The following XRN2 variants were observed in gnomAD, a reference collection of about 807,000 sequenced individuals.
The protein encoded by XRN2 is 5'-3' exoribonuclease 2, also known as DHM1-like protein.
Under a neutral mutation model 138.5 loss-of-function variants are expected in XRN2, and 44 were observed. The observed-to-expected ratio is 0.32, with a 90% CI of 0.25 to 0.41. The LOEUF (loss-of-function observed/expected upper bound fraction) is 0.41. XRN2 is among the 10% of genes least tolerant of loss of function. XRN2 has a pLI of 1.00. For synonymous variants in XRN2, 354 were observed against 369.4 expected, an observed-to-expected ratio of 0.96 and a Z score of 0.48; for missense variants, 937 against 1,169.3, an observed-to-expected ratio of 0.80 and a Z score of 2.90.
At chr20:21,331,904 T>C in intron 8 of XRN2, 86 bp downstream of exon 8, 17 of 1,465,276 alleles carry the variant, frequency 1.2e-5, no homozygotes, top group Non-Finnish European at 1.4e-5. Flanking sequence ...TTATTCATGG[T>C]TACCTGGAAG....
intron 1 of XRN2, among the ~76,000 whole-genome samples, chr20:21,308,375 T>C (rs2037832518): frequency 6.6e-6 from 1 of 151,866 alleles, no homozygotes; most frequent in African/African-American, 2.4e-5. Context: ...ACATTAGGAG[T>C]GAAATGGTTG....
rs1482690707 is a variant in XRN2 at position 21,305,547 on chromosome 20, C to T, written c.75+2074C>T. 1.6e-4 allele frequency among the ~76,000 whole-genome samples: 7 copies of T among 44,642 alleles called. 3 individuals carry two copies. Among genetic ancestry groups the T allele is most frequent in the Admixed American group, 6.2e-4 (2 of 3,216 alleles). The allele number at this position is 44,642 out of a possible 152,430, so 29.3% of individuals were successfully genotyped here. A position where few individuals can be genotyped will look rare whatever the true frequency, so the allele number is the denominator to read the frequency against. On this transcript the variant is annotated intron_variant, in intron 1 of 29. Transcript: ENST00000377191. ...GAGACTACAGGCATGAGCCACCATA[C>T]GTGGCCTTTTTTTTTTTTTTTTTTT...
chr20:21,376,509 G>A (rs1183485562), intron 27 of XRN2, among the ~76,000 whole-genome samples: 1 of 151,958 alleles, frequency 6.6e-6, no homozygotes, highest in Non-Finnish European at 1.5e-5. Context: ...ATTTAATTTG[G>A]GCACTAGTCT....
chr20:21,337,082 G>T (rs945818007), intron 13 of XRN2, among the ~76,000 whole-genome samples: 1 of 152,168 alleles, frequency 6.6e-6, no homozygotes, highest in Non-Finnish European at 1.5e-5. Flanking sequence ...GACCCAACAG[G>T]TCATCATAGG....
chr20:21,368,572 ATT>A lies in XRN2; in HGVS notation c.2567_2568del (p.Ile856ThrfsTer26). On this transcript the variant is annotated frameshift_variant, in exon 27 of 30. Transcript: ENST00000377191. LOFTEE classifies it high-confidence loss of function. Reference sequence around the variant, plus strand: ...GCCGCTTTTGAGAGGACAAGCCCAGATTCCAAAACTTATGTCAAGTAAGCTTT... The same window carrying A: ...GCCGCTTTTGAGAGGACAAGCCCAGACCAAAACTTATGTCAAGTAAGCTTT... ...YRPLLRGQAQ[I>X]PKLMSNMRPQ... The A allele has an allele frequency of 1.2e-6, 2 of 1,613,780 alleles. No individual in the cohort carries two copies. Among genetic ancestry groups the A allele is most frequent in the Non-Finnish European group, 1.7e-6 (2 of 1,179,848 alleles).
chr20:21,361,821 T>C (rs2038640101), intron 24 of XRN2, among the ~76,000 whole-genome samples: 1 of 152,242 alleles, frequency 6.6e-6, no homozygotes, highest in Non-Finnish European at 1.5e-5. Context: ...TTATGGCTGT[T>C]ATCACATTGG....
chr20:21,322,613 C>T (rs754356357), intron 1 of XRN2, among the ~76,000 whole-genome samples: 1 of 152,146 alleles, frequency 6.6e-6, no homozygotes, highest in African/African-American at 2.4e-5. Context: ...GGTGGTTTCT[C>T]CTCATAAGGT....
chr20:21,332,181 C>G (rs918710792), intron 8 of XRN2, 102 bp from the exon 9 acceptor site: 2 of 1,391,240 alleles, frequency 1.4e-6, no homozygotes, highest in African/African-American at 2.9e-5. Flanking sequence ...CATTTGGGTG[C>G]TCATTTGGGC....
rs1395882084 is a variant in XRN2, at chr20:21,344,225, G to A, written c.1529+17G>A. On this transcript the variant is annotated intron_variant, in intron 16 of 29. Coordinates refer to ENST00000377191, the MANE Select transcript of XRN2 (RefSeq NM_012255.5). Reference sequence around the variant, plus strand: ...TAATGTCAGGTGAAGCCATTTTTTGGTAGCACTTTGTTAGCAAATTGCTGA... The same window carrying A: ...TAATGTCAGGTGAAGCCATTTTTTGATAGCACTTTGTTAGCAAATTGCTGA... The A allele has an allele frequency of 2.5e-6, 4 of 1,588,098 alleles. No homozygotes were observed. Among genetic ancestry groups the A allele is most frequent in the Admixed American group, 3.3e-5 (2 of 59,832 alleles).
At chr20:21,317,745 C>T (rs1419811249) in intron 1 of XRN2, among the ~76,000 whole-genome samples, 2 of 152,286 alleles carry the variant, frequency 1.3e-5, no homozygotes, top group East Asian at 3.9e-4. Context: ...AAAAGGTCTG[C>T]ACATGTTGAG....
intron 20 of XRN2, among the ~76,000 whole-genome samples, chr20:21,354,556 T>G (rs1009248618): frequency 1.3e-5 from 2 of 152,188 alleles, no homozygotes; most frequent in Non-Finnish European, 2.9e-5. Context: ...GAAAACATGA[T>G]TTTCCATATA....
rs376523501 is a variant in XRN2 at position 21,374,370 on chromosome 20, T to A, written c.2584+5780T>A. Among the ~76,000 whole-genome samples the A allele has an allele frequency of 7.2e-5, 11 of 152,286 alleles. No homozygotes were observed. The East Asian group carries it at 2.1e-3, about 29-fold the overall frequency. ...GACCTCTCATAATTAATAGAAGTGA[T>A]GATGGTAGATATTTCATTCCCAATC... On this transcript the variant is annotated intron_variant, in intron 27 of 29. Transcript: ENST00000377191.
At chr20:21,339,158 A>C in intron 14 of XRN2, 70 bp downstream of exon 14, 5 of 1,467,486 alleles carry the variant, frequency 3.4e-6, no homozygotes, top group Non-Finnish European at 4.7e-6. Flanking sequence ...GATGTTCATT[A>C]CAGTAGCTTT....
At chr20:21,362,140 T>C (rs2038644202) in intron 24 of XRN2, among the ~76,000 whole-genome samples, 2 of 152,170 alleles carry the variant, frequency 1.3e-5, no homozygotes, top group Admixed American at 1.3e-4. Context: ...GGGATGATCT[T>C]GGAGACTGTC....
intron 1 of XRN2, among the ~76,000 whole-genome samples, chr20:21,318,762 A>T (rs949925358): frequency 8.2e-4 from 123 of 150,398 alleles, no homozygotes; most frequent in African/African-American, 2.8e-3. Flanking sequence ...GAATTTGCCA[A>T]TTTTTTTTTC....
intron 1 of XRN2, among the ~76,000 whole-genome samples, chr20:21,304,934 G>A (rs1467479576): frequency 1.3e-5 from 2 of 152,164 alleles, no homozygotes; most frequent in Non-Finnish European, 2.9e-5. Context: ...AAATCAGATA[G>A]GATAGTTGAC....
rs150550925 is a variant in XRN2 at position 21,356,867 on chromosome 20, G to A, written c.2198+202G>A. 2.1e-3 allele frequency among the ~76,000 whole-genome samples: 318 copies of A among 152,200 alleles called. 1 individual carries two copies. The highest frequency in any genetic ancestry group is 7.5e-3 in the African/African-American group (312 of 41,520). On this transcript the variant is annotated intron_variant, in intron 23 of 29. Coordinates refer to ENST00000377191, the MANE Select transcript of XRN2 (RefSeq NM_012255.5). ...GTGTCACCTTGTGCAGGGAGCTCTG[G>A]GAGTCCCTTTCAGGATATTCTGAAG...
chr20:21,381,513 T>C (rs575896873), intron 27 of XRN2, among the ~76,000 whole-genome samples: 1 of 152,208 alleles, frequency 6.6e-6, no homozygotes, highest in Non-Finnish European at 1.5e-5. Flanking sequence ...GTTGGAGAGA[T>C]TGTGTGTGCT....
chr20:21,311,580 C>CT (rs2037881428), intron 1 of XRN2, among the ~76,000 whole-genome samples: 1 of 152,094 alleles, frequency 6.6e-6, no homozygotes, highest in African/African-American at 2.4e-5. Flanking sequence ...TGAGTATGTA[C>CT]CTGTGAGTGG....
Sources: allele counts gnomAD v4.1 joint callset (sites outside exome capture counted in the v4.1 genomes callset), GRCh38; gene constraint gnomAD v4.1.1; transcripts MANE v1.5; gene names NCBI Gene and HGNC (gene_info 2026-07-23, HGNC 2026-07-21).